CDH6: variants seen among roughly 807,000 people sequenced by gnomAD.
CDH6 encodes the protein cadherin 6.
A neutral mutation model predicts 78.0 loss-of-function variants in CDH6; 31 were observed. The ratio of observed to expected loss-of-function variants is 0.40; its 90% CI spans 0.30 to 0.54. CDH6 has a LOEUF of 0.54. CDH6 is among the 20% of genes least tolerant of loss of function. The pLI is 0.56. For missense variants in CDH6, 724 were observed against 975.9 expected (o/e 0.74, Z 3.44); for synonymous variants, 376 against 368.8 (o/e 1.02, Z -0.23).
At chr5:31,272,140 G>A (rs572747214) in intron 2 of CDH6, among the ~76,000 whole-genome samples, 1 of 152,134 alleles carries the variant, frequency 6.6e-6, no homozygotes, top group African/African-American at 2.4e-5. Flanking sequence ...AGACAGAGCC[G>A]GTGTTAGCTT....
intron 5 of CDH6, among the ~76,000 whole-genome samples, chr5:31,300,854 C>G (rs1737746456): frequency 6.6e-6 from 1 of 152,230 alleles, no homozygotes; most frequent in African/African-American, 2.4e-5. Context: ...GGCACACCAA[C>G]TCATGCCTGT....
At chr5:31,301,978 A>G (rs1047835986) in intron 5 of CDH6, 133 bp from the exon 6 acceptor site, 10 of 526,774 alleles carry the variant, frequency 1.9e-5, no homozygotes, top group African/African-American at 1.9e-4. Flanking sequence ...GGCCACCATT[A>G]GTTATTTTGA....
intron 1 of CDH6, among the ~76,000 whole-genome samples, chr5:31,227,325 G>A (rs1402855234): frequency 4.0e-5 from 6 of 151,786 alleles, no homozygotes; most frequent in Non-Finnish European, 8.8e-5. Context: ...TTGGGCTTTG[G>A]GATACTTTAC....
At chr5:31,281,134 T>C (rs1742853026) in intron 2 of CDH6, among the ~76,000 whole-genome samples, 1 of 152,176 alleles carries the variant, frequency 6.6e-6, no homozygotes, top group African/African-American at 2.4e-5. Context: ...TAAAAGAATA[T>C]AATATCCAAC....
rs573176241 is a variant in CDH6 at position 31,300,170 on chromosome 5, T to C, written c.811+539T>C. On this transcript the variant is annotated intron_variant, in intron 5 of 11. Coordinates refer to ENST00000265071, the MANE Select transcript of CDH6 (RefSeq NM_004932.4). ...AAGTTGTCTCCAAAATCATTAACTC[T>C]AGTGATTAGATAAAAGGAAGAAGAA... 2.0e-5 allele frequency among the ~76,000 whole-genome samples: 3 copies of C among 152,350 alleles called. No individual in the cohort carries two copies. In the East Asian group the frequency reaches 5.8e-4, roughly 29 times the overall value.
chr5:31,274,395 T>C (rs1167229860), intron 2 of CDH6, among the ~76,000 whole-genome samples: 1 of 152,210 alleles, frequency 6.6e-6, no homozygotes, highest in East Asian at 1.9e-4. Context: ...AGGTAACTCT[T>C]ACCCTGGCCA....
intron 2 of CDH6, among the ~76,000 whole-genome samples, chr5:31,280,799 AGAG>A (rs911345523): frequency 1.3e-5 from 2 of 151,864 alleles, no homozygotes; most frequent in African/African-American, 2.4e-5. Flanking sequence ...GAGGAAGAGG[AGAG>A]GAGGAGAAGA....
chr5:31,287,864 G>A (rs1054421840), intron 2 of CDH6, among the ~76,000 whole-genome samples: 6 of 152,206 alleles, frequency 3.9e-5, no homozygotes, highest in Admixed American at 3.3e-4. Context: ...GAGAACCACC[G>A]ACTTAGGGTC....
At chr5:31,280,967 T>C (rs1394217509) in intron 2 of CDH6, among the ~76,000 whole-genome samples, 3 of 151,996 alleles carry the variant, frequency 2.0e-5, no homozygotes, top group African/African-American at 7.2e-5. Flanking sequence ...TTGCTATTAA[T>C]TCCCTGATGG....
chr5:31,328,351 G>A lies in CDH6; in HGVS notation c.*5043G>A, dbSNP rs1470729111. On this transcript the variant is annotated 3_prime_UTR_variant, in exon 12 of 12. Transcript: ENST00000265071. ...GTTATTTATGTAAATATGTCTGGAG[G>A]CACCTTCTCTAAGCTTTTAGTTTTC... The A allele has an allele frequency of 2.0e-5, 4 of 199,826 alleles. No homozygotes were observed. Among genetic ancestry groups the A allele is most frequent in the Non-Finnish European group, 3.1e-5 (3 of 96,970 alleles). 12.4% of individuals were successfully genotyped at this position (199,826 alleles called of 1,614,324 possible).
At chr5:31,272,641 T>G (rs1327374430) in intron 2 of CDH6, among the ~76,000 whole-genome samples, 1 of 152,184 alleles carries the variant, frequency 6.6e-6, no homozygotes, top group Non-Finnish European at 1.5e-5. Context: ...GGCAGAAGAT[T>G]TGCACAGTAC....
At chr5:31,242,022 G>A (rs1219484836) in intron 1 of CDH6, among the ~76,000 whole-genome samples, 1 of 152,132 alleles carries the variant, frequency 6.6e-6, no homozygotes, top group African/African-American at 2.4e-5. Context: ...GATAATCAGG[G>A]TGAATCATCC....
rs1348323710 is a variant in CDH6, at chr5:31,292,788, T to C, written c.229-1174T>C. 1.7e-4 allele frequency among the ~76,000 whole-genome samples: 26 copies of C among 148,970 alleles called. 1 individual carries two copies. The Admixed American group carries it at 1.8e-3, about 10-fold the overall frequency. ...GTGCGTGTGTGTATGTGTGTATATG[T>C]ATATATATGTGTGTGCATATATATA... On this transcript the variant is annotated intron_variant, in intron 2 of 11. Coordinates refer to ENST00000265071, the MANE Select transcript of CDH6 (RefSeq NM_004932.4).
chr5:31,226,707 G>C (rs1432537078), intron 1 of CDH6, among the ~76,000 whole-genome samples: 1 of 152,132 alleles, frequency 6.6e-6, no homozygotes, highest in African/African-American at 2.4e-5. Flanking sequence ...AAAACGGTCA[G>C]TTCAAACTCC....
At chr5:31,295,597 GAT>G (rs760070905) in intron 3 of CDH6, among the ~76,000 whole-genome samples, 1 of 152,096 alleles carries the variant, frequency 6.6e-6, no homozygotes, top group African/African-American at 2.4e-5. Context: ...ATCCTTAATT[GAT>G]ATCTCATTAT....
At chr5:31,201,916 C>A (rs1156611908) in intron 1 of CDH6, among the ~76,000 whole-genome samples, 1 of 152,144 alleles carries the variant, frequency 6.6e-6, no homozygotes, top group Non-Finnish European at 1.5e-5. Flanking sequence ...TGATCTTTGA[C>A]CATATTAACA....
intron 2 of CDH6, among the ~76,000 whole-genome samples, chr5:31,285,350 A>G (rs1448899155): frequency 1.3e-5 from 2 of 152,204 alleles, no homozygotes; most frequent in Non-Finnish European, 2.9e-5. Flanking sequence ...GTCTTCCTAA[A>G]CCATCAAAGA....
intron 7 of CDH6, among the ~76,000 whole-genome samples, chr5:31,306,473 A>G (rs1737992881): frequency 6.6e-6 from 1 of 152,146 alleles, no homozygotes; most frequent in African/African-American, 2.4e-5. Context: ...TAGTTGACTA[A>G]ATGAGAAAAG....
intron 1 of CDH6, among the ~76,000 whole-genome samples, chr5:31,205,683 A>G (rs1323976617): frequency 1.3e-5 from 2 of 152,180 alleles, no homozygotes; most frequent in Admixed American, 1.3e-4. Flanking sequence ...ATGTGTGACC[A>G]TGTATTTTCT....
Sources: allele counts gnomAD v4.1 joint callset (sites outside exome capture counted in the v4.1 genomes callset), GRCh38; gene constraint gnomAD v4.1.1; transcripts MANE v1.5; gene names NCBI Gene and HGNC (gene_info 2026-07-23, HGNC 2026-07-21).